Variants in DAPK2 observed in about 807,000 individuals in gnomAD.
The protein encoded by DAPK2 is death associated protein kinase 2.
A neutral mutation model predicts 44.1 loss-of-function variants in DAPK2; 35 were observed. The ratio of observed to expected loss-of-function variants is 0.79; its 90% CI spans 0.61 to 1.05. The LOEUF (loss-of-function observed/expected upper bound fraction) is 1.05. Ranked by LOEUF, DAPK2 falls within the 50% of genes least tolerant of loss-of-function variation. DAPK2 has a pLI of 0.00. For missense variants in DAPK2, 453 were observed against 483.2 expected, an observed-to-expected ratio of 0.94 and a Z score of 0.59; for synonymous variants, 174 against 182.6, an observed-to-expected ratio of 0.95 and a Z score of 0.38.
At position 63,912,097 on chromosome 15, in the gene DAPK2, C is replaced by T. The variant is rs377753351; in HGVS notation, c.948+11G>A. 143 of 1,613,320 alleles carry T rather than the reference C, an allele frequency of 8.9e-5. No homozygotes were observed. In the Middle Eastern group the frequency reaches 1.5e-3, roughly 17 times the overall value. On this transcript the variant is annotated intron_variant, in intron 9 of 10. Transcript: ENST00000261891. The surrounding 1 kb of genome is among the most constrained non-coding windows in gnomAD (Gnocchi z 4.4). ...CCACCCTGTCCCCCGCCGCCCCAAC[C>T]CTGGACACACCTTCCACCGCCTGCG...
chr15:63,990,486 C>T lies in DAPK2; in HGVS notation c.93-6732G>A, dbSNP rs996557170. On this transcript the variant is annotated intron_variant, in intron 1 of 10. Transcript: ENST00000261891. This position sits in a 1 kb window ranked among gnomAD's most constrained non-coding sequence, Gnocchi z 4.3. ...GGTCTACCTCATTCCCTCTCTTAGT[C>T]GACTCTAAAGTGTCCAAAGATTGAG... 5.3e-4 allele frequency among the ~76,000 whole-genome samples: 81 copies of T among 152,092 alleles called. No individual in the cohort carries two copies. Among genetic ancestry groups the T allele is most frequent in the African/African-American group, 1.8e-3 (73 of 41,480 alleles).
At chr15:63,951,816 T>C (rs1270461826) in intron 3 of DAPK2, among the ~76,000 whole-genome samples, 2 of 152,238 alleles carry the variant, frequency 1.3e-5, no homozygotes, top group African/African-American at 4.8e-5. Flanking sequence ...TCCGTGTGTG[T>C]GCCTGGTTTT....
rs961427153 is a variant in DAPK2, at chr15:63,956,407, C to T, written c.453+15016G>A. Among the ~76,000 whole-genome samples, 6 of 152,012 alleles carry T rather than the reference C, an allele frequency of 3.9e-5. No individual in the cohort carries two copies. In the East Asian group the frequency reaches 1.2e-3, roughly 29 times the overall value. On this transcript the variant is annotated intron_variant, in intron 3 of 10. Transcript: ENST00000261891. ...CATAGGTTTTGGTATGTTGTATTCC[C>T]ATTATCATTTTTTTCAAGAAATTTT...
intron 1 of DAPK2, among the ~76,000 whole-genome samples, chr15:63,988,398 A>G (rs1164477424): frequency 6.6e-6 from 1 of 152,130 alleles, no homozygotes; most frequent in Non-Finnish European, 1.5e-5. Flanking sequence ...CCCACCCCCC[A>G]AAGTCTTCAC....
intron 7 of DAPK2, among the ~76,000 whole-genome samples, chr15:63,925,138 G>T (rs1306322379): frequency 6.6e-6 from 1 of 152,150 alleles, no homozygotes; most frequent in Non-Finnish European, 1.5e-5. Flanking sequence ...AGTCATAAAT[G>T]CTCCAATGAG....
chr15:63,944,244 C>T (rs1001964220), intron 3 of DAPK2, among the ~76,000 whole-genome samples: 1 of 152,136 alleles, frequency 6.6e-6, no homozygotes, highest in African/African-American at 2.4e-5. Context: ...AGGTTCTCGT[C>T]CCTACCTTCA....
chr15:64,029,495 C>T (rs559574461), intron 1 of DAPK2, among the ~76,000 whole-genome samples: 2 of 152,206 alleles, frequency 1.3e-5, no homozygotes, highest in African/African-American at 4.8e-5. Context: ...TAGACCCTGC[C>T]GCGCCCAGGG....
At chr15:64,035,137 C>T (rs150961311) in intron 1 of DAPK2, among the ~76,000 whole-genome samples, 4 of 150,840 alleles carry the variant, frequency 2.7e-5, no homozygotes, top group Non-Finnish European at 5.9e-5. Flanking sequence ...AACTGCACTC[C>T]AGCCTGGGCG....
At chr15:63,981,655 G>T (rs1359527171) in intron 2 of DAPK2, among the ~76,000 whole-genome samples, 1 of 147,152 alleles carries the variant, frequency 6.8e-6, no homozygotes, top group Non-Finnish European at 1.5e-5. Context: ...TTCCTGCTTA[G>T]TTTTTTTTTT....
chr15:63,929,360 A>T (rs941640996), intron 6 of DAPK2, among the ~76,000 whole-genome samples, 191 bp downstream of exon 7: 3 of 152,106 alleles, frequency 2.0e-5, no homozygotes, highest in African/African-American at 7.2e-5. Flanking sequence ...TGCCTATTCA[A>T]CCTCAATGCC....
chr15:63,995,419 CA>C (rs1457044730), intron 1 of DAPK2, among the ~76,000 whole-genome samples: 2 of 152,150 alleles, frequency 1.3e-5, no homozygotes, highest in Non-Finnish European at 2.9e-5. Flanking sequence ...TCTTATAGGC[CA>C]GAGTGGTTAT....
At chr15:64,017,366 G>T (rs7175704) in intron 1 of DAPK2, among the ~76,000 whole-genome samples, 5,167 of 152,300 alleles carry the variant, frequency 0.034, 132 homozygotes, top group Non-Finnish European at 0.049. Flanking sequence ...AACAGCCAAG[G>T]AAGGCATAGG....
rs2079649447 is a variant in DAPK2, at chr15:64,020,389, A to C, written c.92+19781T>G. Among the ~76,000 whole-genome samples, 1 of 152,206 alleles carries C rather than the reference A, an allele frequency of 6.6e-6. No homozygotes were observed. The highest frequency in any genetic ancestry group is 2.1e-4 in the South Asian group (1 of 4,828). On this transcript the variant is annotated intron_variant, in intron 1 of 10. Coordinates refer to ENST00000261891, the Ensembl canonical transcript of DAPK2. The surrounding 1 kb of genome is among the most constrained non-coding windows in gnomAD (Gnocchi z 4.5). Reference sequence around the variant, plus strand: ...CTGGAAACTGGGCACTTGCTCTGAAATGGTCAATTTCACAGGGGTCTTCCC... The same window carrying C: ...CTGGAAACTGGGCACTTGCTCTGAACTGGTCAATTTCACAGGGGTCTTCCC...
chr15:64,025,877 T>C (rs2079826365), intron 1 of DAPK2, among the ~76,000 whole-genome samples: 1 of 152,230 alleles, frequency 6.6e-6, no homozygotes, highest in African/African-American at 2.4e-5. Context: ...TTTTGCTTAA[T>C]TGGGGTCTAA....
chr15:64,018,084 C>T (rs1329999728), intron 1 of DAPK2, among the ~76,000 whole-genome samples: 2 of 152,232 alleles, frequency 1.3e-5, no homozygotes, highest in African/African-American at 4.8e-5. Flanking sequence ...CCACACACCA[C>T]AATTTGGCCT....
At chr15:64,007,184 T>C (rs1202578236) in intron 1 of DAPK2, among the ~76,000 whole-genome samples, 1 of 152,068 alleles carries the variant, frequency 6.6e-6, no homozygotes, top group Non-Finnish European at 1.5e-5. Context: ...TGGCTGGTCC[T>C]GAACTCCTGG....
upstream of DAPK2, chr15:64,046,362 GGCGCGGCGGGC>G: frequency 2.8e-5 from 11 of 397,838 alleles, no homozygotes; most frequent in Middle Eastern, 1.2e-3. This position sits in a 1 kb window ranked among gnomAD's most constrained non-coding sequence, Gnocchi z 5.3. Flanking sequence ...GGGCGCGGCG[GGCGCGGCGGGC>G]GCGGCGGGCG....
Position 63,923,301 on chromosome 15 carries a change from G to A in DAPK2, c.858+1515C>T, listed in dbSNP as rs991856260. The A allele has an allele frequency of 1.6e-5, 24 of 1,535,892 alleles. No homozygotes were observed. In the South Asian group the frequency reaches 2.6e-4, roughly 17 times the overall value. ...AGGTGCTTGGTCTTCAGCTGGGTGG[G>A]CTCTGTCTTCCGCTGTTCAGGGGCT... On this transcript the variant is annotated intron_variant, in intron 8 of 10. Coordinates refer to ENST00000261891, the Ensembl canonical transcript of DAPK2. This position sits in a 1 kb window ranked among gnomAD's most constrained non-coding sequence, Gnocchi z 4.2.
rs908945033 is a variant in DAPK2 at position 63,966,555 on chromosome 15, C to T, written c.453+4868G>A. Among the ~76,000 whole-genome samples the T allele has an allele frequency of 2.0e-5, 3 of 152,194 alleles. No individual in the cohort carries two copies. Among genetic ancestry groups the T allele is most frequent in the Admixed American group, 1.3e-4 (2 of 15,286 alleles). ...ACTTCCGTTCAAGTTTACTTAGAAA[C>T]CCAGAGCACTTTAGTCTGCAGTGGT... On this transcript the variant is annotated intron_variant, in intron 3 of 10. Coordinates refer to ENST00000261891, the Ensembl canonical transcript of DAPK2. This position sits in a 1 kb window ranked among gnomAD's most constrained non-coding sequence, Gnocchi z 5.5.
Sources: allele counts gnomAD v4.1 joint callset (sites outside exome capture counted in the v4.1 genomes callset), GRCh38; gene constraint gnomAD v4.1.1; non-coding constraint Gnocchi (gnomAD v3.1); transcripts MANE v1.5; gene names NCBI Gene and HGNC (gene_info 2026-07-23, HGNC 2026-07-21).